Variants in ABCD3 observed in about 807,000 individuals in gnomAD.
The protein encoded by ABCD3 is ATP binding cassette subfamily D member 3, also known as ATP-binding cassette sub-family D member 3.
A neutral mutation model predicts 105.5 loss-of-function variants in ABCD3; 41 were observed. The ratio of observed to expected loss-of-function variants is 0.39; its 90% CI spans 0.30 to 0.50. The LOEUF (loss-of-function observed/expected upper bound fraction) is 0.50, where lower values mean the gene tolerates loss of function less well. ABCD3 is among the 20% of genes least tolerant of loss of function. The pLI, the probability that ABCD3 is intolerant of heterozygous loss-of-function variation, is 0.84. For missense variants in ABCD3, 622 were observed against 806.3 expected (o/e 0.77, Z 2.77); for synonymous variants, 258 against 269.0 (o/e 0.96, Z 0.40).
chr1:94,442,733 T>A (rs1660179338), intron 1 of ABCD3, among the ~76,000 whole-genome samples: 1 of 152,220 alleles, frequency 6.6e-6, no homozygotes, highest in African/African-American at 2.4e-5. Flanking sequence ...TTTGACTTTG[T>A]TTCAAAGTTA....
chr1:94,507,905 GAGTAGGTTGCGAAAATTTTCTCCCAT>G (rs1410337220), intron 21 of ABCD3, among the ~76,000 whole-genome samples: 2 of 147,266 alleles, frequency 1.4e-5, no homozygotes, highest in African/African-American at 5.0e-5. Flanking sequence ...TTTGTCAGAT[GAGTAGGTTGCGAAAATTTTCTCCCAT>G]TTTGTAGGCT....
intron 16 of ABCD3, among the ~76,000 whole-genome samples, chr1:94,491,970 C>T (rs1326238759): frequency 6.6e-6 from 1 of 152,100 alleles, no homozygotes; most frequent in Non-Finnish European, 1.5e-5. Flanking sequence ...GACACCATTC[C>T]TCTAGAACAA....
At chr1:94,478,762 G>A in intron 8 of ABCD3, 1 of 767,708 alleles carries the variant, frequency 1.3e-6, no homozygotes, top group Non-Finnish European at 1.8e-6. Context: ...TGTCTAAAAA[G>A]AGATATGGAG....
At chr1:94,498,579 A>G in intron 16 of ABCD3, 23 bp from the exon 17 acceptor site, 1 of 1,541,704 alleles carries the variant, frequency 6.5e-7, no homozygotes, top group Non-Finnish European at 9.0e-7. Flanking sequence ...TACTTCACAG[A>G]CTGATTTTTT....
chr1:94,421,072 G>A (rs1334377694), intron 1 of ABCD3, among the ~76,000 whole-genome samples: 2 of 151,946 alleles, frequency 1.3e-5, no homozygotes, highest in Non-Finnish European at 2.9e-5. Flanking sequence ...ATATATGTGT[G>A]TGTGTTTCTG....
chr1:94,506,416 T>A lies in ABCD3; in HGVS notation c.1741-122T>A, dbSNP rs377424265. The A allele has an allele frequency of 3.5e-5, 23 of 650,600 alleles. No homozygotes were observed. In the African/African-American group the frequency reaches 3.6e-4, roughly 10 times the overall value. The allele number at this position is 650,600 out of a possible 1,614,324, so 40.3% of individuals were successfully genotyped here. A position where few individuals can be genotyped will look rare whatever the true frequency, so the allele number is the denominator to read the frequency against. On this transcript the variant is annotated intron_variant, in intron 20 of 22. Transcript: ENST00000370214. ...TTTCTGGGAAGTAGATTTTTTGAAT[T>A]AGAATAATTTTTATACTTTTGATTT...
rs570476479 is a variant in ABCD3 at position 94,438,347 on chromosome 1, C to T, written c.110+19759C>T. Among the ~76,000 whole-genome samples, 18 of 147,700 alleles carry T rather than the reference C, an allele frequency of 1.2e-4. No homozygotes were observed. The South Asian group carries it at 1.7e-3, about 14-fold the overall frequency. ...ACACACACACACACACACACACAAA[C>T]TTGAAAGGATGAAGAGTTGCCTCTT... is the stretch of plus-strand genomic sequence containing the variant. On this transcript the variant is annotated intron_variant, in intron 1 of 22. Transcript: ENST00000370214.
At chr1:94,497,992 G>A (rs1649901559) in intron 16 of ABCD3, among the ~76,000 whole-genome samples, 1 of 152,140 alleles carries the variant, frequency 6.6e-6, no homozygotes, top group Admixed American at 6.6e-5. Context: ...GTATACGCAT[G>A]TATTTATTGT....
At position 94,472,241 on chromosome 1, in the gene ABCD3, T is replaced by G. The variant is rs563327936; in HGVS notation, c.336-1525T>G. The G allele has an allele frequency of 2.2e-5, 22 of 979,586 alleles. No homozygotes were observed. In the East Asian group the frequency reaches 1.8e-3, roughly 81 times the overall value. The allele number at this position is 979,586 out of a possible 1,614,324, so 60.7% of individuals were successfully genotyped here. ...TTTAAATTTATAGCTGCTACTCCAA[T>G]GGTAAACCATTGCTGAATGATGGCA... On this transcript the variant is annotated intron_variant, in intron 4 of 22. Coordinates refer to ENST00000370214, the MANE Select transcript of ABCD3 (RefSeq NM_002858.4).
At chr1:94,407,993 A>C in the ABCD3 span, among the ~76,000 whole-genome samples, 1 of 152,242 alleles carries the variant, frequency 6.6e-6, no homozygotes, top group Non-Finnish European at 1.5e-5. Flanking sequence ...GGCAGAGCCG[A>C]ATAGTGGTGG....
intron 1 of ABCD3, among the ~76,000 whole-genome samples, chr1:94,449,513 C>G (rs947235404): frequency 1.1e-4 from 16 of 152,192 alleles, no homozygotes; most frequent in African/African-American, 3.9e-4. Flanking sequence ...TGTAATCACT[C>G]TATGACACAG....
Position 94,489,812 on chromosome 1 carries a change from A to G in ABCD3, c.1245A>G (p.Glu415=). Reference sequence around the variant, plus strand: ...AGCGCACAATGGTCTCACAACAGGAAAAGGGTAAATATGAGTGTCACAGTT... The same window carrying G: ...AGCGCACAATGGTCTCACAACAGGAGAAGGGTAAATATGAGTGTCACAGTT... ...KYERTMVSQQ[E]KGIEGVQVIP... The change falls in exon 14 of 23, where the codon GAA becomes GAG. Residue 415 remains glutamate, a synonymous_variant. Transcript: ENST00000370214. 6.2e-7 allele frequency: 1 copy of G among 1,613,148 alleles called. No individual in the cohort carries two copies.
chr1:94,416,223 G>T (rs1359947637), upstream of ABCD3, among the ~76,000 whole-genome samples: 1 of 152,078 alleles, frequency 6.6e-6, no homozygotes, highest in Non-Finnish European at 1.5e-5. Context: ...CTTTATTACT[G>T]AATTAGTAAT....
chr1:94,440,211 CT>C (rs1218249205), intron 1 of ABCD3, among the ~76,000 whole-genome samples: 1 of 152,058 alleles, frequency 6.6e-6, no homozygotes, highest in Non-Finnish European at 1.5e-5. Flanking sequence ...GTTTGCTTTT[CT>C]TTTTTTGTCT....
intron 1 of ABCD3, chr1:94,419,381 A>G: frequency 2.0e-6 from 2 of 983,036 alleles, no homozygotes; most frequent in Non-Finnish European, 2.4e-6. Flanking sequence ...GGAGAATTTC[A>G]GTGCTTAGAT....
At chr1:94,482,436 TTACA>T (rs1649071849) in intron 9 of ABCD3, 1 of 152,362 alleles carries the variant, frequency 6.6e-6, no homozygotes, top group East Asian at 1.9e-4. Context: ...CTGGGAAAGC[TTACA>T]TCATTCCTGT....
Position 94,515,025 on chromosome 1 carries a change from A to G in ABCD3, c.1846-121A>G, listed in dbSNP as rs551013864. 12 of 779,206 alleles carry G rather than the reference A, an allele frequency of 1.5e-5. No individual in the cohort carries two copies. The East Asian group carries it at 3.1e-4, about 20-fold the overall frequency. 48.3% of individuals were successfully genotyped at this position (779,206 alleles called of 1,614,324 possible). ...TGCATCCAGTTGTAAATTTTTTCTC[A>G]TTGACATTGCTTTTTAACTTTAGTC... On this transcript the variant is annotated intron_variant, in intron 21 of 22. Transcript: ENST00000370214.
chr1:94,428,389 CTG>C (rs1015795584), intron 1 of ABCD3, among the ~76,000 whole-genome samples: 4 of 152,150 alleles, frequency 2.6e-5, no homozygotes, highest in African/African-American at 7.2e-5. Context: ...TTAAAAAGCA[CTG>C]TGTAGAATGA....
intron 1 of ABCD3, among the ~76,000 whole-genome samples, chr1:94,428,321 A>G (rs531547981): frequency 6.6e-6 from 1 of 152,258 alleles, no homozygotes; most frequent in East Asian, 1.9e-4. Context: ...GGATTATATG[A>G]TTTACTCTAT....
Sources: allele counts gnomAD v4.1 joint callset (sites outside exome capture counted in the v4.1 genomes callset), GRCh38; gene constraint gnomAD v4.1.1; transcripts MANE v1.5; gene names NCBI Gene and HGNC (gene_info 2026-07-23, HGNC 2026-07-21).